DIP2C: variants seen among roughly 807,000 people sequenced by gnomAD.
DIP2C encodes the protein disco-interacting protein 2 homolog C.
In DIP2C, 33 loss-of-function variants were observed where a neutral mutation model predicts 192.4. That is an observed-to-expected ratio of 0.17 (90% CI 0.13 to 0.23). The LOEUF is 0.23. Among genes scored for constraint, DIP2C ranks in the 10% least tolerant of loss-of-function variants. DIP2C has a pLI of 1.00. For synonymous variants in DIP2C, 979 were observed against 864.1 expected, an observed-to-expected ratio of 1.13 and a Z score of -2.33; for missense variants, 1,537 against 2,110.1, an observed-to-expected ratio of 0.73 and a Z score of 5.32.
intron 1 of DIP2C, among the ~76,000 whole-genome samples, chr10:627,552 G>A (rs980407299): frequency 1.3e-5 from 2 of 152,236 alleles, no homozygotes; most frequent in East Asian, 3.8e-4. Flanking sequence ...GAGCGCCACT[G>A]ACCCAGAAGT....
At chr10:382,848 G>A (rs1476123688) in intron 16 of DIP2C, 87 bp from the exon 17 acceptor site, 11 of 899,590 alleles carry the variant, frequency 1.2e-5, no homozygotes, top group Admixed American at 2.9e-5. Context: ...TCCGAAGGTG[G>A]GATTCAGGCA....
intron 1 of DIP2C, among the ~76,000 whole-genome samples, chr10:529,350 T>TA (rs56759407): frequency 0.24 from 37,231 of 152,180 alleles, 6,283 homozygotes; most frequent in African/African-American, 0.48. Context: ...GCAGCGGCTG[T>TA]AATTAAGCTT....
intron 1 of DIP2C, among the ~76,000 whole-genome samples, chr10:570,648 G>A (rs996612719): frequency 5.3e-5 from 8 of 152,118 alleles, no homozygotes; most frequent in African/African-American, 1.7e-4. Flanking sequence ...TGCACCTATC[G>A]CCTTTCTCAC....
chr10:608,701 C>A (rs117877493), intron 1 of DIP2C, among the ~76,000 whole-genome samples: 3 of 5,932 alleles, frequency 5.1e-4, no homozygotes, highest in African/African-American at 1.1e-3. Context: ...CACATCCCCC[C>A]CACACACACA....
rs141065957 is a variant in DIP2C, at chr10:468,614, G to T, written c.268+3825C>A. 4.9e-3 allele frequency among the ~76,000 whole-genome samples: 748 copies of T among 152,222 alleles called. 21 individuals are homozygous for T. Among genetic ancestry groups the T allele is most frequent in the Admixed American group, 0.041 (629 of 15,292 alleles). On this transcript the variant is annotated intron_variant, in intron 3 of 36. Coordinates refer to ENST00000280886, the MANE Select transcript of DIP2C (RefSeq NM_014974.3). ...TGTTTCTACTAAAAATACAAAATTA[G>T]CAAGGCATGGTGGCGCATGCCTGTA...
At chr10:325,789 CTT>C (rs973085746) in intron 31 of DIP2C, among the ~76,000 whole-genome samples, 16 of 152,068 alleles carry the variant, frequency 1.1e-4, no homozygotes, top group African/African-American at 3.6e-4. Flanking sequence ...TTAACTGACT[CTT>C]GAGAGAAATT....
At chr10:545,631 A>AGATGCTGTTCT (rs1173088651) in intron 1 of DIP2C, among the ~76,000 whole-genome samples, 1 of 152,178 alleles carries the variant, frequency 6.6e-6, no homozygotes, top group East Asian at 1.9e-4. Context: ...TCCAGAACAA[A>AGATGCTGTTCT]GGAAATAAGA....
intron 24 of DIP2C, among the ~76,000 whole-genome samples, chr10:354,177 C>G (rs565954574): frequency 6.6e-6 from 1 of 152,260 alleles, no homozygotes; most frequent in African/African-American, 2.4e-5. Flanking sequence ...CAGGCCATGC[C>G]TTCCACACAG....
intron 1 of DIP2C, among the ~76,000 whole-genome samples, chr10:613,468 G>A (rs1025473986): frequency 6.6e-6 from 1 of 152,232 alleles, no homozygotes; most frequent in South Asian, 2.1e-4. Flanking sequence ...GATTTGGAGG[G>A]AACTCAAGGC....
At chr10:298,402 T>C (rs1238671877) in intron 32 of DIP2C, among the ~76,000 whole-genome samples, 2 of 152,198 alleles carry the variant, frequency 1.3e-5, no homozygotes, top group Non-Finnish European at 2.9e-5. Context: ...TGCTCATCAC[T>C]GATGGTGACC....
At chr10:582,622 G>T in intron 1 of DIP2C, among the ~76,000 whole-genome samples, 1 of 152,172 alleles carries the variant, frequency 6.6e-6, no homozygotes. Context: ...GAAACTGGAT[G>T]CGTTTAGGTG....
At chr10:658,080 A>G (rs1383699747) in intron 1 of DIP2C, among the ~76,000 whole-genome samples, 196 of 101,544 alleles carry the variant, frequency 1.9e-3, no homozygotes, top group Non-Finnish European at 1.9e-3. Flanking sequence ...TGGACCTGAC[A>G]CTGGACCTGA....
intron 1 of DIP2C, among the ~76,000 whole-genome samples, chr10:675,358 A>C (rs1830836181): frequency 6.6e-6 from 1 of 152,204 alleles, no homozygotes; most frequent in South Asian, 2.1e-4. Flanking sequence ...TAAACAACCT[A>C]ACAATGAACT....
At chr10:529,912 T>C (rs1847269288) in intron 1 of DIP2C, among the ~76,000 whole-genome samples, 1 of 152,232 alleles carries the variant, frequency 6.6e-6, no homozygotes, top group Admixed American at 6.5e-5. Flanking sequence ...CCAAAGAAGC[T>C]GGGACCAACA....
At chr10:483,136 C>T (rs1478886446) in intron 2 of DIP2C, among the ~76,000 whole-genome samples, 1 of 152,194 alleles carries the variant, frequency 6.6e-6, no homozygotes, top group Non-Finnish European at 1.5e-5. Flanking sequence ...GAACAGAACC[C>T]CCATTGTAGC....
At chr10:405,136 G>A (rs1403980759) in intron 9 of DIP2C, among the ~76,000 whole-genome samples, 1 of 152,202 alleles carries the variant, frequency 6.6e-6, no homozygotes, top group Admixed American at 6.5e-5. Context: ...ACCAGCTCTG[G>A]AGGCAGAGTC....
chr10:631,334 T>C (rs1272088496), intron 1 of DIP2C: 2 of 152,246 alleles, frequency 1.3e-5, no homozygotes, highest in Admixed American at 6.5e-5. Flanking sequence ...AGCAGCGGAT[T>C]CTGGTGTCTC....
At chr10:520,966 G>A (rs1446396206) in intron 1 of DIP2C, among the ~76,000 whole-genome samples, 1 of 152,098 alleles carries the variant, frequency 6.6e-6, no homozygotes, top group Non-Finnish European at 1.5e-5. Context: ...AGTGAATTCA[G>A]GCACTCAAAA....
intron 1 of DIP2C, among the ~76,000 whole-genome samples, chr10:548,543 C>G (rs1848424040): frequency 7.1e-6 from 1 of 141,048 alleles, no homozygotes; most frequent in Non-Finnish European, 1.5e-5. Context: ...GGCAGGCAGG[C>G]AGCGAGGACA....
Sources: allele counts gnomAD v4.1 joint callset (sites outside exome capture counted in the v4.1 genomes callset), GRCh38; gene constraint gnomAD v4.1.1; transcripts MANE v1.5; gene names NCBI Gene and HGNC (gene_info 2026-07-23, HGNC 2026-07-21).